Variants in TRPM3 observed in about 807,000 individuals in gnomAD.
TRPM3 encodes long transient receptor potential channel 3.
Under a neutral mutation model 181.2 loss-of-function variants are expected in TRPM3, and 77 were observed. The observed-to-expected ratio is 0.42, with a 90% CI of 0.35 to 0.51. The LOEUF is 0.51. Among genes scored for constraint, TRPM3 ranks in the 20% least tolerant of loss-of-function variants. TRPM3 has a pLI of 0.01. For synonymous variants in TRPM3, 745 were observed against 796.4 expected, an observed-to-expected ratio of 0.94 and a Z score of 1.09; for missense variants, 1,759 against 2,196.7, an observed-to-expected ratio of 0.80 and a Z score of 3.98.
intron 22 of TRPM3, 61 bp downstream of exon 22, chr9:70,590,970 A>T (rs1326702209): frequency 6.2e-7 from 1 of 1,605,064 alleles, no homozygotes; most frequent in South Asian, 1.1e-5. Flanking sequence ...CTTGGAAAAG[A>T]CATAACCGAA....
intron 1 of TRPM3, among the ~76,000 whole-genome samples, chr9:71,061,883 G>A (rs2061374803): frequency 6.6e-6 from 1 of 152,104 alleles, no homozygotes; most frequent in South Asian, 2.1e-4. Context: ...TCTTCCTAGT[G>A]CATCTCTGGA....
Position 70,537,308 on chromosome 9 carries a change from C to T in TRPM3, c.3805G>A (p.Glu1269Lys), listed in dbSNP as rs769635780. 6.5e-7 allele frequency: 1 copy of T among 1,531,996 alleles called. No homozygotes were observed. The highest frequency in any genetic ancestry group is 8.8e-7 in the Non-Finnish European group (1 of 1,137,606). The allele number at this position is 1,531,996 out of a possible 1,614,324, so 94.9% of individuals were successfully genotyped here. The change falls in exon 26 of 26, where the codon GAA (glutamate) becomes AAA (lysine). Residue 1269 changes from glutamate (E) to lysine (K), a missense_variant. This residue lies in a region of TRPM3 where 612 missense variants were observed against 590.0 expected (regional missense o/e 1.04). Transcript: ENST00000677713. ...GTGGCCATGCGCCCGATAAGGTCTT[C>T]CAGCTGCGCCAGCCGGATGTCCACG... ...QTVDIRLAQL[E>K]DLIGRMATAL...
Position 71,227,490 on chromosome 9 carries a change from A to G in TRPM3, c.183+219163T>C, listed in dbSNP as rs555395390. Among the ~76,000 whole-genome samples, 31 of 152,172 alleles carry G rather than the reference A, an allele frequency of 2.0e-4. No homozygotes were observed. In the South Asian group the frequency reaches 6.4e-3, roughly 32 times the overall value. On this transcript the variant is annotated intron_variant, in intron 1 of 24. Transcript: ENST00000357533. The stretch of plus-strand genomic sequence containing the variant: ...CCCAAAGTTAGAAGAAAGAAATAAC[A>G]TAAGGGCCGAAATAAATGACATTGA...
chr9:71,441,232 T>G (rs1473328394), intron 1 of TRPM3, among the ~76,000 whole-genome samples: 1 of 152,124 alleles, frequency 6.6e-6, no homozygotes, highest in African/African-American at 2.4e-5. Flanking sequence ...ATGGTCTTTT[T>G]TTTTTCACAC....
At chr9:70,600,337 C>T (rs2059669501) in intron 20 of TRPM3, among the ~76,000 whole-genome samples, 1 of 152,154 alleles carries the variant, frequency 6.6e-6, no homozygotes, top group African/African-American at 2.4e-5. Context: ...GGAGGCAGGT[C>T]TATATCCAGC....
rs756583823 is a variant in TRPM3, at chr9:70,740,451, T to C, written c.1272+21150A>G. Among the ~76,000 whole-genome samples the C allele has an allele frequency of 7.3e-5, 11 of 150,346 alleles. No individual in the cohort carries two copies. In the Middle Eastern group the frequency reaches 0.017, roughly 232 times the overall value. ...ATGCAATTCCCATTGCATACCACCA[T>C]CATTCTTCACAGACCTAGAAAAAAC... On this transcript the variant is annotated intron_variant, in intron 8 of 25. Transcript: ENST00000677713.
At chr9:71,167,395 C>T (rs1329770) in intron 1 of TRPM3, among the ~76,000 whole-genome samples, 61,512 of 151,764 alleles carry the variant, frequency 0.41, 12,729 homozygotes, top group East Asian at 0.52. Context: ...CACTAGAAGA[C>T]ATGAAGGACA....
chr9:71,085,249 G>A (rs2065074452), intron 1 of TRPM3, among the ~76,000 whole-genome samples: 1 of 151,988 alleles, frequency 6.6e-6, no homozygotes, highest in African/African-American at 2.4e-5. Flanking sequence ...GTCCTTGAAA[G>A]CAATTGCAAT....
At chr9:70,653,076 A>G (rs1000994119) in intron 9 of TRPM3, among the ~76,000 whole-genome samples, 2 of 152,162 alleles carry the variant, frequency 1.3e-5, no homozygotes, top group African/African-American at 4.8e-5. Flanking sequence ...GTGAAAGTGT[A>G]AAAGGAAAGA....
At chr9:71,373,214 C>A (rs1260387870) in intron 1 of TRPM3, among the ~76,000 whole-genome samples, 3 of 151,116 alleles carry the variant, frequency 2.0e-5, no homozygotes, top group Non-Finnish European at 4.4e-5. Flanking sequence ...CTAAAAGAAA[C>A]ATAGAACCAA....
At chr9:70,676,891 C>T (rs900817700) in intron 9 of TRPM3, among the ~76,000 whole-genome samples, 1 of 152,064 alleles carries the variant, frequency 6.6e-6, no homozygotes, top group African/African-American at 2.4e-5. Flanking sequence ...GTCATAGAGA[C>T]CAGAACCCCA....
intron 5 of TRPM3, among the ~76,000 whole-genome samples, chr9:70,836,074 A>G (rs967921371): frequency 3.9e-5 from 6 of 152,114 alleles, no homozygotes; most frequent in Admixed American, 3.3e-4. Context: ...GGCTATTATT[A>G]TTATTTCAGT....
intron 1 of TRPM3, among the ~76,000 whole-genome samples, chr9:70,990,347 T>A (rs1406979743): frequency 1.3e-5 from 2 of 152,170 alleles, no homozygotes; most frequent in Non-Finnish European, 2.9e-5. Flanking sequence ...ACCACTGTTA[T>A]TGGCAGTAAA....
chr9:70,601,525 T>G (rs575815831), intron 20 of TRPM3, among the ~76,000 whole-genome samples: 2 of 152,080 alleles, frequency 1.3e-5, no homozygotes, highest in Non-Finnish European at 2.9e-5. Flanking sequence ...AAGCAACTCT[T>G]CAGTGAGTTC....
intron 9 of TRPM3, among the ~76,000 whole-genome samples, chr9:70,650,275 A>G (rs552057844): frequency 6.6e-6 from 1 of 152,328 alleles, no homozygotes; most frequent in East Asian, 1.9e-4. Context: ...CAATTTGCCC[A>G]TGTAACAAAC....
intron 1 of TRPM3, among the ~76,000 whole-genome samples, chr9:70,884,503 G>A (rs2132735613): frequency 6.6e-6 from 1 of 152,328 alleles, no homozygotes; most frequent in Middle Eastern, 3.4e-3. Context: ...GGGGCAAAGT[G>A]TGCGTGTGTG....
At chr9:71,432,142 A>G (rs2093964120) in intron 1 of TRPM3, among the ~76,000 whole-genome samples, 1 of 152,156 alleles carries the variant, frequency 6.6e-6, no homozygotes, top group Non-Finnish European at 1.5e-5. Context: ...GTAATACAAT[A>G]TCCTGTGAAT....
chr9:71,349,988 TATATATATATATATGG>T (rs1001241855), intron 1 of TRPM3, among the ~76,000 whole-genome samples: 2 of 21,592 alleles, frequency 9.3e-5, no homozygotes, highest in Non-Finnish European at 1.3e-4. Flanking sequence ...TATATATATA[TATATATATATATATGG>T]GCCTAAAAAA....
At chr9:70,597,320 C>T (rs145880030) in intron 21 of TRPM3, among the ~76,000 whole-genome samples, 2,397 of 152,338 alleles carry the variant, frequency 0.016, 32 homozygotes, top group Non-Finnish European at 0.023. Context: ...AATCTGCCTG[C>T]CTCAGCCTCC....
Sources: gnomAD v4.1 joint callset for allele counts (sites outside exome capture counted in the v4.1 genomes callset) on GRCh38, gnomAD v4.1.1 for gene constraint, gnomAD v4.1.1 regional missense constraint, MANE v1.5 for transcripts, NCBI Gene and HGNC (gene_info 2026-07-23, HGNC 2026-07-21) for gene names.